Variants in PDCD10 observed in about 807,000 individuals in gnomAD.
The protein encoded by PDCD10 is programmed cell death protein 10.
A neutral mutation model predicts 29.2 loss-of-function variants in PDCD10; 4 were observed. The observed-to-expected ratio is 0.14, with a 90% CI of 0.07 to 0.31. PDCD10 has a LOEUF of 0.31. Among genes scored for constraint, PDCD10 ranks in the 10% least tolerant of loss-of-function variants. The pLI is 1.00. For missense variants in PDCD10, 183 were observed against 257.9 expected (o/e 0.71, Z 1.99); for synonymous variants, 70 against 82.2 (o/e 0.85, Z 0.80).
At chr3:167,706,374 T>C (rs1721969502) in intron 3 of PDCD10, among the ~76,000 whole-genome samples, 1 of 152,208 alleles carries the variant, frequency 6.6e-6, no homozygotes, top group Non-Finnish European at 1.5e-5. Context: ...AAAAATGTCA[T>C]TAGGTGATTT....
chr3:167,696,643 CAACAA>C (rs1233871929), intron 5 of PDCD10, among the ~76,000 whole-genome samples: 2 of 151,886 alleles, frequency 1.3e-5, no homozygotes, highest in African/African-American at 4.8e-5. Context: ...GTTAAAAAAA[CAACAA>C]AACAAAAACC....
intron 6 of PDCD10, chr3:167,694,354 A>T (rs1720574171): frequency 5.0e-6 from 1 of 198,766 alleles, no homozygotes; most frequent in Non-Finnish European, 1.1e-5. Context: ...TATTAATCAG[A>T]CTGGGCTTCT....
chr3:167,692,369 A>C (rs1720340319), intron 6 of PDCD10, among the ~76,000 whole-genome samples: 1 of 152,196 alleles, frequency 6.6e-6, no homozygotes, highest in Admixed American at 6.5e-5. Context: ...TTGTGCATAC[A>C]ACAAAGTTTT....
chr3:167,699,226 T>C (rs188062027), intron 4 of PDCD10, among the ~76,000 whole-genome samples: 2 of 152,308 alleles, frequency 1.3e-5, no homozygotes, highest in African/African-American at 2.4e-5. Context: ...TGTTAGATCA[T>C]AGCACTGGCC....
intron 2 of PDCD10, among the ~76,000 whole-genome samples, chr3:167,728,404 C>A (rs1023266362): frequency 6.6e-6 from 1 of 152,046 alleles, no homozygotes; most frequent in African/African-American, 2.4e-5. Context: ...AGGAGGCAGC[C>A]GGTGTGTAAC....
At chr3:167,728,384 T>A (rs1414061057) in intron 2 of PDCD10, among the ~76,000 whole-genome samples, 1 of 152,146 alleles carries the variant, frequency 6.6e-6, no homozygotes, top group Non-Finnish European at 1.5e-5. Flanking sequence ...AGTAACCTTA[T>A]ATAAGTCTGA....
chr3:167,716,293 G>C (rs1025291375), intron 3 of PDCD10, among the ~76,000 whole-genome samples: 1 of 151,938 alleles, frequency 6.6e-6, no homozygotes, highest in South Asian at 2.1e-4. Context: ...GAGAAGAAGT[G>C]AGGATGGTTA....
chr3:167,697,671 T>C lies in PDCD10; in HGVS notation c.151-545A>G, dbSNP rs1720952317. Among the ~76,000 whole-genome samples, 4 of 152,204 alleles carry C rather than the reference T, an allele frequency of 2.6e-5. No individual in the cohort carries two copies. In the South Asian group the frequency reaches 8.3e-4, roughly 32 times the overall value. ...TATTTTCCCACACAATGATTTTCAT[T>C]TCCTATTTTATTTTTGTAGCAAGAA... is the stretch of plus-strand genomic sequence containing the variant. On this transcript the variant is annotated intron_variant, in intron 4 of 8. Transcript: ENST00000392750.
rs1441237618 is a variant in PDCD10, at chr3:167,719,998, GAATA to G, written c.96+60_96+63del. ...TTGTTATACAAAAGAACAAGCAGAC[GAATA>G]AATAAAGCAGGAATTAAAGAATTGC... On this transcript the variant is annotated intron_variant, in intron 3 of 8. Transcript: ENST00000392750. The G allele has an allele frequency of 6.8e-6, 7 of 1,029,274 alleles. No individual in the cohort carries two copies. The African/African-American group carries it at 1.1e-4, about 16-fold the overall frequency. 63.8% of individuals were successfully genotyped at this position (1,029,274 alleles called of 1,614,324 possible).
chr3:167,699,285 A>G (rs535240349), intron 4 of PDCD10, among the ~76,000 whole-genome samples: 2 of 152,336 alleles, frequency 1.3e-5, no homozygotes, highest in East Asian at 3.9e-4. Context: ...GCAGTGAAGG[A>G]CAATCCAATA....
intron 2 of PDCD10, among the ~76,000 whole-genome samples, chr3:167,730,380 C>T (rs1230632347): frequency 6.6e-6 from 1 of 152,058 alleles, no homozygotes; most frequent in Non-Finnish European, 1.5e-5. Context: ...TTCTTAGTAA[C>T]ACCTATCATA....
chr3:167,729,689 T>G lies in PDCD10; in HGVS notation c.-117+4525A>C, dbSNP rs558435402. Among the ~76,000 whole-genome samples the G allele has an allele frequency of 3.9e-5, 6 of 152,336 alleles. No homozygotes were observed. The East Asian group carries it at 1.2e-3, about 29-fold the overall frequency. ...TACTTAATACTCAATAAATGCTAGC[T>G]ATTATATTAGGTTCCAGTTCATTCC... On this transcript the variant is annotated intron_variant, in intron 2 of 8. Transcript: ENST00000392750.
chr3:167,707,905 G>A (rs535215674), intron 3 of PDCD10, among the ~76,000 whole-genome samples: 1 of 152,224 alleles, frequency 6.6e-6, no homozygotes, highest in African/African-American at 2.4e-5. Flanking sequence ...AAGAGAATCA[G>A]AGTGAGAGAA....
chr3:167,692,508 G>A (rs1303405321), intron 6 of PDCD10, among the ~76,000 whole-genome samples: 1 of 152,174 alleles, frequency 6.6e-6, no homozygotes, highest in African/African-American at 2.4e-5. Context: ...TTCAAATTAG[G>A]GATGCTCAAC....
At chr3:167,721,825 T>C (rs1268668897) in intron 2 of PDCD10, among the ~76,000 whole-genome samples, 1 of 152,182 alleles carries the variant, frequency 6.6e-6, no homozygotes, top group Non-Finnish European at 1.5e-5. Context: ...TACCTGATTA[T>C]GTAACTTAGT....
At chr3:167,688,399 A>T (rs1719865151) in intron 6 of PDCD10, among the ~76,000 whole-genome samples, 1 of 152,122 alleles carries the variant, frequency 6.6e-6, no homozygotes, top group South Asian at 2.1e-4. Context: ...CTTGCACTTT[A>T]ACCTTCCCAG....
At chr3:167,718,401 A>C (rs920790528) in intron 3 of PDCD10, among the ~76,000 whole-genome samples, 3 of 152,048 alleles carry the variant, frequency 2.0e-5, no homozygotes, top group African/African-American at 4.8e-5. Context: ...TATCAGAAAA[A>C]AAATGGTGAA....
intron 2 of PDCD10, among the ~76,000 whole-genome samples, chr3:167,733,433 T>C (rs1725022591): frequency 6.6e-6 from 1 of 152,192 alleles, no homozygotes; most frequent in Non-Finnish European, 1.5e-5. Flanking sequence ...GTACTGTTTT[T>C]TCATTCTTCA....
intron 2 of PDCD10, among the ~76,000 whole-genome samples, chr3:167,721,609 T>C (rs6444571): frequency 0.29 from 43,329 of 151,946 alleles, 6,756 homozygotes; most frequent in African/African-American, 0.42. Context: ...ACCTGTTCCA[T>C]TGGAAAGCTG....
Sources: allele counts gnomAD v4.1 joint callset (sites outside exome capture counted in the v4.1 genomes callset), GRCh38; gene constraint gnomAD v4.1.1; transcripts MANE v1.5; gene names NCBI Gene and HGNC (gene_info 2026-07-23, HGNC 2026-07-21).